The following PCDHGA3 variants were observed in gnomAD, a reference collection of about 807,000 sequenced individuals.
The protein encoded by PCDHGA3 is protocadherin gamma subfamily A, 3.
A neutral mutation model predicts 58.5 loss-of-function variants in PCDHGA3; 40 were observed. The ratio of observed to expected loss-of-function variants is 0.68; its 90% CI spans 0.53 to 0.89. The LOEUF is 0.89. Ranked by LOEUF, PCDHGA3 falls within the 40% of genes least tolerant of loss-of-function variation. The pLI, the probability that PCDHGA3 is intolerant of heterozygous loss-of-function variation, is 0.00. For missense variants in PCDHGA3, 1,223 were observed against 1,195.9 expected, an observed-to-expected ratio of 1.02 and a Z score of -0.33; for synonymous variants, 530 against 525.7, an observed-to-expected ratio of 1.01 and a Z score of -0.11.
At chr5:141,389,039 A>C in intron 1 of PCDHGA3, 1 of 1,613,988 alleles carries the variant, frequency 6.2e-7, no homozygotes, top group Non-Finnish European at 8.5e-7. Context: ...GTAAATTGGA[A>C]GGTGATGTTC....
chr5:141,416,042 A>G (rs1024979061), intron 1 of PCDHGA3: 1 of 193,196 alleles, frequency 5.2e-6, no homozygotes, highest in African/African-American at 2.3e-5. Context: ...ACCTCTGGAA[A>G]CACAACCCAA....
rs1290682140 is a variant in PCDHGA3 at position 141,431,692 on chromosome 5, G to A, written c.2425-63115G>A. 1 of 1,614,132 alleles carries A rather than the reference G, an allele frequency of 6.2e-7. No homozygotes were observed. The highest frequency in any genetic ancestry group is 2.2e-5 in the East Asian group (1 of 44,888). On this transcript the variant is annotated intron_variant, in intron 1 of 3. Transcript: ENST00000253812. The surrounding 1 kb of genome is among the most constrained non-coding windows in gnomAD (Gnocchi z 4.8). The stretch of plus-strand genomic sequence containing the variant: ...CAATAGGGGAGTTGGACCACGAGGA[G>A]TCAGGATTCTACCAGATGGAAGTGC...
intron 2 of PCDHGA3, among the ~76,000 whole-genome samples, chr5:141,500,935 C>A (rs1159997919): frequency 1.3e-5 from 2 of 151,694 alleles, no homozygotes; most frequent in Non-Finnish European, 2.9e-5. Flanking sequence ...GTGGCGCCAT[C>A]TCGGCTCACT....
At chr5:141,479,877 T>C (rs967661238) in intron 1 of PCDHGA3, among the ~76,000 whole-genome samples, 2 of 152,188 alleles carry the variant, frequency 1.3e-5, no homozygotes, top group African/African-American at 4.8e-5. Flanking sequence ...GAGAACCCTA[T>C]ACATACTCTC....
At chr5:141,413,520 A>G in intron 1 of PCDHGA3, 1 of 1,613,986 alleles carries the variant, frequency 6.2e-7, no homozygotes, top group Non-Finnish European at 8.5e-7. Flanking sequence ...TCCTTGTGGA[A>G]GACAGGGTGA....
chr5:141,477,697 T>G lies in PCDHGA3; in HGVS notation c.2425-17110T>G, dbSNP rs745625196. ...TGTCATCCTTAGTGCCCCTAGACTA[T>G]GAGGATCGGCGGGAATTTGAATTAA... On this transcript the variant is annotated intron_variant, in intron 1 of 3. Coordinates refer to ENST00000253812, the MANE Select transcript of PCDHGA3 (RefSeq NM_018916.4). The surrounding 1 kb of genome is among the most constrained non-coding windows in gnomAD (Gnocchi z 4.9). 6.2e-7 allele frequency: 1 copy of G among 1,614,160 alleles called. No homozygotes were observed. Among genetic ancestry groups the G allele is most frequent in the South Asian group, 1.1e-5 (1 of 91,090 alleles).
At position 141,389,870 on chromosome 5, in the gene PCDHGA3, C is replaced by T. The variant is rs1395147259; in HGVS notation, c.2424+43413C>T. On this transcript the variant is annotated intron_variant, in intron 1 of 3. Transcript: ENST00000253812. ...CCACTGCCACGTTGCACCTGGTCTT[C>T]GCCGACAGCTTGCAGGAGGTGCTGC... is the stretch of plus-strand genomic sequence containing the variant. The T allele has an allele frequency of 2.5e-6, 4 of 1,613,960 alleles. No individual in the cohort carries two copies. The South Asian group carries it at 3.3e-5, about 13-fold the overall frequency.
At position 141,344,808 on chromosome 5, in the gene PCDHGA3, AC is replaced by A. The variant is rs1202930193; in HGVS notation, c.778del (p.Arg260GlyfsTer5). On this transcript the variant is annotated frameshift_variant, in exon 1 of 4. Transcript: ENST00000253812. LOFTEE classifies it high-confidence loss of function. ...TGTTTGGGAGAACGTGCCTGTGGGTACCCGGCTGCTCACGGTGAATGCCACT... is the reference window on the plus strand; with the variant it reads ...TGTTTGGGAGAACGTGCCTGTGGGTACCGGCTGCTCACGGTGAATGCCACT... ...VSVWENVPVG[T>X]RLLTVNATDP... 1 of 1,613,952 alleles carries A rather than the reference AC, an allele frequency of 6.2e-7. No individual in the cohort carries two copies. Among genetic ancestry groups the A allele is most frequent in the South Asian group, 1.1e-5 (1 of 91,080 alleles).
At chr5:141,375,147 C>A (rs768909291) in intron 1 of PCDHGA3, 1 of 1,613,946 alleles carries the variant, frequency 6.2e-7, no homozygotes, top group South Asian at 1.1e-5. Context: ...GGAAGCAGAA[C>A]AATTGCTGAA....
intron 1 of PCDHGA3, chr5:141,357,401 G>T (rs1456227012): frequency 1.2e-6 from 2 of 1,614,250 alleles, no homozygotes; most frequent in Non-Finnish European, 1.7e-6. Context: ...AGGTTGGCAG[G>T]TGTGCCTGCC....
In PCDHGA3 at chr5:141,350,943, G is replaced by C. The variant is rs542251559; in HGVS notation, c.2424+4486G>C. The C allele has an allele frequency of 3.7e-6, 6 of 1,614,070 alleles. No homozygotes were observed. In the African/African-American group the frequency reaches 5.3e-5, roughly 14 times the overall value. On this transcript the variant is annotated intron_variant, in intron 1 of 3. Transcript: ENST00000253812. ...AGCGGCACCACCCATATCTGGATCC[G>C]AGTTACGGATGCCAATGATAATGCT...
Position 141,345,359 on chromosome 5 carries a change from G to A in PCDHGA3, c.1326G>A (p.Val442=). ...CAGAAACTCACATCACCCTGCATGT[G>A]ATTGACATCAATGACAACCCACCCA... is the stretch of plus-strand genomic sequence containing the variant. ...LSTETHITLH[V]IDINDNPPTF... Residue 442 remains valine (V), a synonymous_variant, in exon 1 of 4, where the codon GTG becomes GTA. Transcript: ENST00000253812. 6.2e-7 allele frequency: 1 copy of A among 1,614,102 alleles called. No individual in the cohort carries two copies. Among genetic ancestry groups the A allele is most frequent in the Non-Finnish European group, 8.5e-7 (1 of 1,179,996 alleles).
chr5:141,410,778 G>T, intron 1 of PCDHGA3: 3 of 818,726 alleles, frequency 3.7e-6, no homozygotes, highest in Non-Finnish European at 3.4e-6. Flanking sequence ...TTTTCACTAT[G>T]TATTTGGTTC....
At position 141,489,083 on chromosome 5, in the gene PCDHGA3, T is replaced by G; in HGVS notation, c.2425-5724T>G. On this transcript the variant is annotated intron_variant, in intron 1 of 3. Coordinates refer to ENST00000253812, the MANE Select transcript of PCDHGA3 (RefSeq NM_018916.4). This position sits in a 1 kb window ranked among gnomAD's most constrained non-coding sequence, Gnocchi z 4.5. ...CCTCCCCCCTGCCCACCCCCGCCACTCGGTGACTAAGAACTGCTGCAAGCA... is the reference window on the plus strand; with the variant it reads ...CCTCCCCCCTGCCCACCCCCGCCACGCGGTGACTAAGAACTGCTGCAAGCA... The G allele has an allele frequency of 1.2e-5, 2 of 172,008 alleles. No individual in the cohort carries two copies. Among genetic ancestry groups the G allele is most frequent in the Non-Finnish European group, 2.1e-5 (2 of 94,012 alleles). The allele number at this position is 172,008 out of a possible 1,614,324, so 10.7% of individuals were successfully genotyped here. A position where few individuals can be genotyped will look rare whatever the true frequency, so the allele number is the denominator to read the frequency against.
At chr5:141,394,180 C>T in intron 1 of PCDHGA3, 2 of 1,613,948 alleles carry the variant, frequency 1.2e-6, no homozygotes, top group Non-Finnish European at 1.7e-6. Context: ...CCTCATGCCT[C>T]CTACTCAGCG....
rs758982878 is a variant in PCDHGA3, at chr5:141,366,077, G to A, written c.2424+19620G>A. 1.9e-6 allele frequency: 3 copies of A among 1,614,248 alleles called. No individual in the cohort carries two copies. The South Asian group carries it at 3.3e-5, about 18-fold the overall frequency. ...CGTGGAGCTGGCGCCTCGCTCCGCA[G>A]AACCTGGCTACCTGGTGACCAAGGT... On this transcript the variant is annotated intron_variant, in intron 1 of 3. Coordinates refer to ENST00000253812, the MANE Select transcript of PCDHGA3 (RefSeq NM_018916.4).
At chr5:141,351,075 C>A (rs547501388) in intron 1 of PCDHGA3, 7 of 1,613,914 alleles carry the variant, frequency 4.3e-6, no homozygotes, top group Non-Finnish European at 5.9e-6. Context: ...GGCATTAATG[C>A]AGAGATCACC....
intron 1 of PCDHGA3, chr5:141,385,033 C>T (rs749144502): frequency 1.2e-6 from 2 of 1,614,182 alleles, no homozygotes; most frequent in East Asian, 2.2e-5. Context: ...CCTCGTACTG[C>T]TGGCGCTCAG....
At chr5:141,448,331 A>T (rs2098582637) in intron 1 of PCDHGA3, among the ~76,000 whole-genome samples, 1 of 152,146 alleles carries the variant, frequency 6.6e-6, no homozygotes, top group Non-Finnish European at 1.5e-5. Flanking sequence ...GAATCTTTAT[A>T]GCCATGTACC....
Sources: gnomAD v4.1 joint callset for allele counts (sites outside exome capture counted in the v4.1 genomes callset) on GRCh38, gnomAD v4.1.1 for gene constraint, Gnocchi (gnomAD v3.1) non-coding constraint, MANE v1.5 for transcripts, NCBI Gene and HGNC (gene_info 2026-07-23, HGNC 2026-07-21) for gene names.